The following ATG10 variants were observed in gnomAD, a reference collection of about 807,000 sequenced individuals.
The protein encoded by ATG10 is autophagy related 10.
Under a neutral mutation model 32.1 loss-of-function variants are expected in ATG10, and 30 were observed. That is an observed-to-expected ratio of 0.94 (90% CI 0.70 to 1.27). ATG10 has a LOEUF of 1.27. Among genes scored for constraint, ATG10 ranks in the 50% most tolerant of loss-of-function variants. The pLI is 0.00. For missense variants in ATG10, 233 were observed against 262.3 expected, an observed-to-expected ratio of 0.89 and a Z score of 0.77; for synonymous variants, 87 against 91.5, an observed-to-expected ratio of 0.95 and a Z score of 0.28.
At chr5:82,012,273 T>A (rs1322170031) in intron 2 of ATG10, among the ~76,000 whole-genome samples, 2 of 152,238 alleles carry the variant, frequency 1.3e-5, no homozygotes, top group Non-Finnish European at 2.9e-5. Flanking sequence ...CTGAAATGGT[T>A]GTTTTTAACA....
At chr5:82,139,032 C>CGGGGTTT (rs1766911548) in intron 3 of ATG10, among the ~76,000 whole-genome samples, 1 of 150,400 alleles carries the variant, frequency 6.6e-6, no homozygotes, top group Non-Finnish European at 1.5e-5. Flanking sequence ...TTGGTGGAGA[C>CGGGGTTT]GGGGTTTCGC....
chr5:82,132,256 T>A (rs1398421995), intron 3 of ATG10, among the ~76,000 whole-genome samples: 4 of 152,056 alleles, frequency 2.6e-5, no homozygotes, highest in African/African-American at 9.7e-5. Context: ...TATTATTTTT[T>A]TTTATTATTA....
chr5:82,209,725 T>G (rs1041476944), intron 5 of ATG10, among the ~76,000 whole-genome samples: 2 of 152,230 alleles, frequency 1.3e-5, no homozygotes, highest in African/African-American at 4.8e-5. Flanking sequence ...CTTGATGATT[T>G]TCATTGGTTT....
chr5:82,094,096 A>G (rs1360846138), intron 3 of ATG10, among the ~76,000 whole-genome samples: 1 of 152,108 alleles, frequency 6.6e-6, no homozygotes, highest in Non-Finnish European at 1.5e-5. Flanking sequence ...CTCCAGTTTC[A>G]GCACCTCATC....
chr5:82,009,106 T>A (rs1762059186), intron 2 of ATG10, among the ~76,000 whole-genome samples: 1 of 152,194 alleles, frequency 6.6e-6, no homozygotes, highest in Non-Finnish European at 1.5e-5. Flanking sequence ...ACAGTATGGG[T>A]AGTCTTACCA....
intron 3 of ATG10, among the ~76,000 whole-genome samples, chr5:82,066,334 T>C (rs1351197393): frequency 1.3e-5 from 2 of 152,158 alleles, no homozygotes; most frequent in East Asian, 3.9e-4. Flanking sequence ...TCGATTACTG[T>C]AGTTCCTCAT....
intron 5 of ATG10, among the ~76,000 whole-genome samples, chr5:82,195,564 A>C (rs1203711275): frequency 1.3e-5 from 2 of 152,162 alleles, no homozygotes; most frequent in African/African-American, 4.8e-5. Flanking sequence ...AGTTGTTGGC[A>C]ACCACTAATT....
chr5:81,979,399 G>A (rs1050293600), intron 1 of ATG10, among the ~76,000 whole-genome samples: 1 of 152,036 alleles, frequency 6.6e-6, no homozygotes, highest in Non-Finnish European at 1.5e-5. Context: ...GTGGTGGCGG[G>A]CCCCTGTAGT....
chr5:82,205,971 A>G (rs1745273131), intron 5 of ATG10, among the ~76,000 whole-genome samples: 1 of 152,214 alleles, frequency 6.6e-6, no homozygotes, highest in Admixed American at 6.5e-5. Flanking sequence ...AAAGAGAGCT[A>G]TAGAAAAAGG....
chr5:82,194,871 A>G (rs182203831), intron 5 of ATG10, among the ~76,000 whole-genome samples: 95 of 152,306 alleles, frequency 6.2e-4, no homozygotes, highest in African/African-American at 2.1e-3. Flanking sequence ...CTTGGAAACT[A>G]AGGAGCTTAA....
chr5:82,065,331 A>C (rs975380908), intron 3 of ATG10, among the ~76,000 whole-genome samples: 1 of 152,110 alleles, frequency 6.6e-6, no homozygotes, highest in Non-Finnish European at 1.5e-5. Context: ...TACTAAAAAA[A>C]TACAAAAATT....
At chr5:82,219,462 CAT>C (rs1471571621) in intron 5 of ATG10, among the ~76,000 whole-genome samples, 4 of 152,198 alleles carry the variant, frequency 2.6e-5, no homozygotes, top group African/African-American at 7.2e-5. Flanking sequence ...CCTGCAGACA[CAT>C]AGTGTTGGCA....
At chr5:82,253,263 A>G in intron 6 of ATG10, 51 bp from the exon 7 acceptor site, 1 of 1,309,410 alleles carries the variant, frequency 7.6e-7, no homozygotes, top group Middle Eastern at 1.8e-4. Context: ...CCATTCATCC[A>G]AAAACTACAA....
intron 3 of ATG10, among the ~76,000 whole-genome samples, chr5:82,068,740 A>G (rs973362995): frequency 6.8e-6 from 1 of 146,198 alleles, no homozygotes; most frequent in African/African-American, 2.5e-5. Context: ...TCAAATTTCA[A>G]CTTAAAGTAT....
chr5:82,142,982 C>T (rs1364122411), intron 3 of ATG10, among the ~76,000 whole-genome samples: 2 of 152,108 alleles, frequency 1.3e-5, no homozygotes. Context: ...TAGTTTTTGT[C>T]TTCTATTCAA....
chr5:82,245,403 TCTCTA>T (rs1232473289), intron 5 of ATG10, among the ~76,000 whole-genome samples: 5 of 152,212 alleles, frequency 3.3e-5, no homozygotes, highest in African/African-American at 1.2e-4. Context: ...ACTTGTAAAT[TCTCTA>T]CTCTACTTTC....
At chr5:82,186,874 G>A (rs1194903720) in intron 5 of ATG10, among the ~76,000 whole-genome samples, 2 of 152,162 alleles carry the variant, frequency 1.3e-5, no homozygotes, top group Non-Finnish European at 2.9e-5. Flanking sequence ...GAGCCACCGC[G>A]CCCAGCCAAT....
At chr5:82,021,958 G>A (rs1228388922) in intron 2 of ATG10, among the ~76,000 whole-genome samples, 14 of 151,558 alleles carry the variant, frequency 9.2e-5, no homozygotes, top group African/African-American at 2.7e-4. Context: ...AGGAGGCAGA[G>A]GTTGCAGTGA....
intron 3 of ATG10, among the ~76,000 whole-genome samples, chr5:82,161,696 A>ACACACACACACAC (rs1743351306): frequency 3.1e-5 from 4 of 129,664 alleles, no homozygotes; most frequent in African/African-American, 1.2e-4. Flanking sequence ...TTAGAGAATA[A>ACACACACACACAC]ACACACACAC....
Sources: allele counts gnomAD v4.1 joint callset (sites outside exome capture counted in the v4.1 genomes callset), GRCh38; gene constraint gnomAD v4.1.1; transcripts MANE v1.5; gene names NCBI Gene and HGNC (gene_info 2026-07-23, HGNC 2026-07-21).